The following CSGALNACT1 variants were observed in gnomAD, a reference collection of about 807,000 sequenced individuals.
CSGALNACT1 encodes the protein chondroitin sulfate N-acetylgalactosaminyltransferase 1.
A neutral mutation model predicts 51.0 loss-of-function variants in CSGALNACT1; 52 were observed. That is an observed-to-expected ratio of 1.02 (90% CI 0.82 to 1.29). The LOEUF (loss-of-function observed/expected upper bound fraction) is 1.29, where lower values mean the gene tolerates loss of function less well. CSGALNACT1 is among the 50% of genes most tolerant of loss of function. CSGALNACT1 has a pLI of 0.00. For missense variants in CSGALNACT1, 935 were observed against 679.2 expected, an observed-to-expected ratio of 1.38 and a Z score of -4.19; for synonymous variants, 341 against 254.4, an observed-to-expected ratio of 1.34 and a Z score of -3.24.
chr8:19,652,816 T>A (rs112302322), intron 1 of CSGALNACT1, among the ~76,000 whole-genome samples: 7 of 152,286 alleles, frequency 4.6e-5, no homozygotes, highest in African/African-American at 1.7e-4. Flanking sequence ...ACTTGACTTC[T>A]CCGCAGCAAC....
chr8:19,649,182 A>T (rs1392448363), intron 1 of CSGALNACT1, among the ~76,000 whole-genome samples: 1 of 152,198 alleles, frequency 6.6e-6, no homozygotes, highest in East Asian at 1.9e-4. Flanking sequence ...GATGAGAAAA[A>T]TGGAGGCACA....
intron 3 of CSGALNACT1, among the ~76,000 whole-genome samples, chr8:19,523,066 C>T (rs759944877): frequency 1.3e-4 from 20 of 152,118 alleles, no homozygotes; most frequent in Non-Finnish European, 2.4e-4. Context: ...GCAACAATTG[C>T]GGACATTACC....
intron 2 of CSGALNACT1, among the ~76,000 whole-genome samples, chr8:19,592,748 G>A (rs1403955954): frequency 2.0e-5 from 3 of 151,992 alleles, no homozygotes; most frequent in Admixed American, 6.6e-5. Context: ...CTGGCCTGGG[G>A]GACAAAGACA....
intron 4 of CSGALNACT1, among the ~76,000 whole-genome samples, chr8:19,464,017 G>A (rs901285482): frequency 3.3e-5 from 5 of 152,200 alleles, no homozygotes; most frequent in Non-Finnish European, 7.3e-5. Context: ...CACCACTCCT[G>A]ACTCAGATTC....
chr8:19,526,587 A>G (rs898596450), intron 3 of CSGALNACT1, among the ~76,000 whole-genome samples: 1 of 152,088 alleles, frequency 6.6e-6, no homozygotes, highest in African/African-American at 2.4e-5. Context: ...GTTTCAAAAT[A>G]ATAATAATAA....
intron 1 of CSGALNACT1, among the ~76,000 whole-genome samples, chr8:19,608,293 T>C (rs2051690791): frequency 6.6e-6 from 1 of 152,158 alleles, no homozygotes; most frequent in Non-Finnish European, 1.5e-5. Context: ...TCCCACACCT[T>C]ATACACCAAC....
intron 4 of CSGALNACT1, among the ~76,000 whole-genome samples, chr8:19,469,841 T>G (rs1042744985): frequency 6.6e-6 from 1 of 152,194 alleles, no homozygotes; most frequent in Non-Finnish European, 1.5e-5. Flanking sequence ...TGCGTTACTC[T>G]TCCTGCCATG....
intron 3 of CSGALNACT1, among the ~76,000 whole-genome samples, chr8:19,572,696 T>C (rs984265230): frequency 7.2e-5 from 11 of 152,224 alleles, no homozygotes; most frequent in African/African-American, 1.7e-4. Flanking sequence ...ACGATTCCCA[T>C]GCTAAAGGTG....
chr8:19,500,983 C>A (rs2076316329), intron 4 of CSGALNACT1, among the ~76,000 whole-genome samples: 1 of 152,160 alleles, frequency 6.6e-6, no homozygotes, highest in Non-Finnish European at 1.5e-5. Flanking sequence ...GGCACGGTGG[C>A]TCACGCCTGT....
exon 4 of CSGALNACT1, chr8:19,505,792 C>A: frequency 6.2e-7 from 1 of 1,613,766 alleles, no homozygotes; most frequent in South Asian, 1.1e-5. Flanking sequence ...AAAACCACCA[C>A]CCGGGAAATC....
At chr8:19,523,260 T>TA (rs1381562429) in intron 3 of CSGALNACT1, among the ~76,000 whole-genome samples, 1 of 152,082 alleles carries the variant, frequency 6.6e-6, no homozygotes, top group Non-Finnish European at 1.5e-5. Flanking sequence ...TATCACACAG[T>TA]ACTATTTTTA....
chr8:19,534,367 C>T (rs2083351730), intron 3 of CSGALNACT1, among the ~76,000 whole-genome samples: 1 of 152,064 alleles, frequency 6.6e-6, no homozygotes, highest in South Asian at 2.1e-4. Flanking sequence ...AGCAGAATAG[C>T]TTGAACCCAG....
At chr8:19,491,115 G>C (rs541325777) in intron 4 of CSGALNACT1, among the ~76,000 whole-genome samples, 1 of 150,838 alleles carries the variant, frequency 6.6e-6, no homozygotes, top group East Asian at 1.9e-4. Flanking sequence ...CTTTGCTACA[G>C]TGTTTTCATC....
chr8:19,606,645 A>G (rs1254830476), upstream of CSGALNACT1, among the ~76,000 whole-genome samples: 2 of 152,238 alleles, frequency 1.3e-5, no homozygotes, highest in African/African-American at 2.4e-5. Flanking sequence ...TGCAGACTCA[A>G]CGGAAACATA....
At chr8:19,754,843 C>T (rs757672045) in intron 1 of CSGALNACT1, among the ~76,000 whole-genome samples, 1 of 152,210 alleles carries the variant, frequency 6.6e-6, no homozygotes, top group Non-Finnish European at 1.5e-5. Flanking sequence ...TCCTCTCCAA[C>T]CCGGCTTTAT....
At chr8:19,492,913 T>C (rs1377036018) in intron 4 of CSGALNACT1, among the ~76,000 whole-genome samples, 1 of 152,220 alleles carries the variant, frequency 6.6e-6, no homozygotes, top group Non-Finnish European at 1.5e-5. Context: ...TTAAGTCTTC[T>C]TTCTTTTAGT....
chr8:19,420,286 A>G (rs1585579074), intron 7 of CSGALNACT1, 54 bp downstream of exon 6: 2 of 1,549,360 alleles, frequency 1.3e-6, no homozygotes, highest in Non-Finnish European at 1.8e-6. Context: ...AGGACGACAC[A>G]TGGGCCCGAG....
At chr8:19,685,587 AG>A (rs1381786808), upstream of CSGALNACT1, among the ~76,000 whole-genome samples, 1 of 152,252 alleles carries the variant, frequency 6.6e-6, no homozygotes, top group Non-Finnish European at 1.5e-5. Context: ...GTTCTTTAAA[AG>A]GAACGGTTTC....
intron 1 of CSGALNACT1, among the ~76,000 whole-genome samples, chr8:19,655,579 C>CAT (rs66802003): frequency 7.1e-4 from 80 of 111,898 alleles, no homozygotes; most frequent in Middle Eastern, 4.1e-3. Context: ...CACACACACA[C>CAT]ATATATATAT....
Sources: allele counts gnomAD v4.1 joint callset (sites outside exome capture counted in the v4.1 genomes callset), GRCh38; gene constraint gnomAD v4.1.1; transcripts MANE v1.5; gene names NCBI Gene and HGNC (gene_info 2026-07-23, HGNC 2026-07-21).